The following ZDHHC9 variants were observed in gnomAD, a reference collection of about 807,000 sequenced individuals.
The protein encoded by ZDHHC9 is palmitoyltransferase ZDHHC9.
A neutral mutation model predicts 26.6 loss-of-function variants in ZDHHC9; 3 were observed. The observed-to-expected ratio is 0.11, with a 90% CI of 0.05 to 0.29. The LOEUF (loss-of-function observed/expected upper bound fraction) is 0.29. Among genes scored for constraint, ZDHHC9 ranks in the 10% least tolerant of loss-of-function variants. ZDHHC9 has a pLI of 1.00. For missense variants in ZDHHC9, 146 were observed against 296.4 expected (o/e 0.49, Z 3.73); for synonymous variants, 111 against 109.4 (o/e 1.01, Z -0.09).
At position 129,804,579 on chromosome X, in the gene ZDHHC9, G is replaced by C. The variant is rs994550450; in HGVS notation, c.*1791C>G. ...CACTGATCAAATATTTCCAAGGGGG[G>C]GCCCTGATGAGCCTGCGTTAATAAC... On this transcript the variant is annotated 3_prime_UTR_variant, in exon 11 of 11. Transcript: ENST00000357166. The C allele has an allele frequency of 2.2e-4, 24 of 110,687 alleles. No homozygotes were observed. Among genetic ancestry groups the C allele is most frequent in the African/African-American group, 7.2e-4 (22 of 30,375 alleles). The allele number at this position is 110,687 out of a possible 1,213,427, so 9.1% of individuals were successfully genotyped here.
chrX:129,827,292 G>A (rs934658408), intron 4 of ZDHHC9, among the ~76,000 whole-genome samples: 1 of 90,385 alleles, frequency 1.1e-5, no homozygotes. Flanking sequence ...GGGAGGGAAG[G>A]AGGGAGGGAG....
intron 3 of ZDHHC9, among the ~76,000 whole-genome samples, chrX:129,833,533 C>A (rs1928193742): frequency 8.9e-6 from 1 of 112,267 alleles, no homozygotes; most frequent in African/African-American, 3.2e-5. Context: ...GTGTTCTGTA[C>A]AATACACTGC....
chrX:129,839,894 T>A (rs1306963933), intron 3 of ZDHHC9, among the ~76,000 whole-genome samples: 1 of 111,606 alleles, frequency 9.0e-6, no homozygotes, highest in Non-Finnish European at 1.9e-5. Context: ...TCTTCAAAAA[T>A]ATTTAGTCTT....
In ZDHHC9 at chrX:129,806,074, A is replaced by C; in HGVS notation, c.*296T>G. On this transcript the variant is annotated 3_prime_UTR_variant, in exon 11 of 11. Coordinates refer to ENST00000357166, the MANE Select transcript of ZDHHC9 (RefSeq NM_016032.4). ...GCAGGAGGGCTGGGATCTGGAGGGA[A>C]GAGAGGGGGTCCAAGGGGACCCTGT... 2 of 317,725 alleles carry C rather than the reference A, an allele frequency of 6.3e-6. No homozygotes were observed. Among genetic ancestry groups the C allele is most frequent in the African/African-American group, 2.6e-5 (1 of 37,858 alleles). The allele number at this position is 317,725 out of a possible 1,213,427, so 26.2% of individuals were successfully genotyped here. A position where few individuals can be genotyped will look rare whatever the true frequency, so the allele number is the denominator to read the frequency against.
At chrX:129,817,550 G>T (rs924315312) in intron 5 of ZDHHC9, among the ~76,000 whole-genome samples, 2 of 111,258 alleles carry the variant, frequency 1.8e-5, no homozygotes, top group African/African-American at 3.3e-5. Context: ...CATTCATAAT[G>T]TGGAACCATC....
rs1262297272 is a variant in ZDHHC9 at position 129,803,815 on chromosome X, G to A, written c.*2555C>T. The A allele has an allele frequency of 8.9e-6, 1 of 111,766 alleles. No individual in the cohort carries two copies. Among genetic ancestry groups the A allele is most frequent in the Non-Finnish European group, 1.9e-5 (1 of 53,175 alleles). 9.2% of individuals were successfully genotyped at this position (111,766 alleles called of 1,213,427 possible). A position where few individuals can be genotyped will look rare whatever the true frequency, so the allele number is the denominator to read the frequency against. ...CATAGGAAGCTTGAGGAAGAAGGAG[G>A]AAGGGGAGAGTTGGAGACAGTGTCA... On this transcript the variant is annotated 3_prime_UTR_variant, in exon 11 of 11. Transcript: ENST00000357166.
chrX:129,830,464 A>G (rs1928116490), intron 3 of ZDHHC9, among the ~76,000 whole-genome samples: 1 of 112,378 alleles, frequency 8.9e-6, no homozygotes, highest in African/African-American at 3.2e-5. Context: ...TATCTCCCAG[A>G]GCTTTAATAC....
chrX:129,821,801 A>G (rs1461006637), intron 5 of ZDHHC9, among the ~76,000 whole-genome samples: 1 of 109,382 alleles, frequency 9.1e-6, no homozygotes, highest in African/African-American at 3.3e-5. Context: ...GTGCACCTGT[A>G]ATACCAGCTA....
chrX:129,822,153 CAT>C (rs747209230), intron 5 of ZDHHC9, among the ~76,000 whole-genome samples: 10 of 111,128 alleles, frequency 9.0e-5, no homozygotes, highest in African/African-American at 3.3e-4. Context: ...CACATGCACA[CAT>C]ATGTTTATTG....
At chrX:129,816,160 C>T (rs1272209702) in intron 5 of ZDHHC9, among the ~76,000 whole-genome samples, 1 of 112,101 alleles carries the variant, frequency 8.9e-6, no homozygotes, top group East Asian at 2.8e-4. Context: ...TCAATAAATA[C>T]AGTTGGCCCT....
At chrX:129,835,788 A>C (rs1251625310) in intron 3 of ZDHHC9, among the ~76,000 whole-genome samples, 1 of 111,021 alleles carries the variant, frequency 9.0e-6, no homozygotes, top group Non-Finnish European at 1.9e-5. Flanking sequence ...CGTCTCAAAG[A>C]AAAAAAAAGA....
intron 9 of ZDHHC9, 125 bp from the exon 10 acceptor site, chrX:129,811,126 G>T: frequency 1.8e-6 from 1 of 570,824 alleles, no homozygotes; most frequent in Non-Finnish European, 3.0e-6. Context: ...CCTGAACACA[G>T]CACATGCCTC....
At chrX:129,838,702 A>C (rs905685041) in intron 3 of ZDHHC9, among the ~76,000 whole-genome samples, 2 of 111,325 alleles carry the variant, frequency 1.8e-5, no homozygotes, top group African/African-American at 6.6e-5. Context: ...TAATTAAAAA[A>C]AAAAAGAAAC....
rs1265947699 is a variant in ZDHHC9, at chrX:129,814,679, T to C, written c.604A>G (p.Asn202Asp). The change falls in exon 6 of 11, where the codon AAC (asparagine) becomes GAC (aspartate). Residue 202 changes from asparagine to aspartate, a missense_variant. Asn to Asp is a conservative substitution (Grantham distance 23). Coordinates refer to ENST00000357166, the MANE Select transcript of ZDHHC9 (RefSeq NM_016032.4). Reference protein sequence around the residue: ...SLLTIYVFAFNIVYVALKSLK... With the variant: ...SLLTIYVFAFDIVYVALKSLK... ...TCACTGAGGGCCACATAGACGATGT[T>C]GAAGGCGAAGACATAGATTGTGAGG... 2 of 1,209,372 alleles carry C rather than the reference T, an allele frequency of 1.7e-6. No individual in the cohort carries two copies. Among genetic ancestry groups the C allele is most frequent in the African/African-American group, 3.5e-5 (2 of 57,016 alleles).
chrX:129,841,665 C>T, intron 3 of ZDHHC9, 114 bp downstream of exon 3: 1 of 948,091 alleles, frequency 1.1e-6, no homozygotes, highest in Non-Finnish European at 1.5e-6. Flanking sequence ...ACAGACATCG[C>T]TCAAGAGGAC....
At chrX:129,819,172 C>CAAAAAAAAAA (rs10555509) in intron 5 of ZDHHC9, among the ~76,000 whole-genome samples, 4 of 36,076 alleles carry the variant, frequency 1.1e-4, no homozygotes, top group African/African-American at 2.3e-4. Flanking sequence ...GCCTCCGTCT[C>CAAAAAAAAAA]AAAAAAAAAA....
rs1927482926 is a variant in ZDHHC9 at position 129,805,143 on chromosome X, C to T, written c.*1227G>A. 1 of 112,074 alleles carries T rather than the reference C, an allele frequency of 8.9e-6. No individual in the cohort carries two copies. Among genetic ancestry groups the T allele is most frequent in the Non-Finnish European group, 1.9e-5 (1 of 53,126 alleles). The allele number at this position is 112,074 out of a possible 1,213,427, so 9.2% of individuals were successfully genotyped here. On this transcript the variant is annotated 3_prime_UTR_variant, in exon 11 of 11. Transcript: ENST00000357166. Reference sequence around the variant, plus strand: ...GAGCTGACTGGGGGCCACAGCCCACCCCCAGGGTGAAGTGGCTCTGGGACT... The same window carrying T: ...GAGCTGACTGGGGGCCACAGCCCACTCCCAGGGTGAAGTGGCTCTGGGACT...
intron 8 of ZDHHC9, among the ~76,000 whole-genome samples, chrX:129,812,260 T>C (rs960377012): frequency 1.8e-5 from 2 of 111,916 alleles, no homozygotes; most frequent in African/African-American, 6.5e-5. Context: ...TATTTTTGTA[T>C]TTTTAGTAGA....
At chrX:129,812,860 G>GTCTCCTGATGTT in intron 7 of ZDHHC9, 40 bp from the exon 8 acceptor site, 2 of 983,996 alleles carry the variant, frequency 2.0e-6, no homozygotes, top group Non-Finnish European at 2.9e-6. Context: ...CTCAACATCA[G>GTCTCCTGATGTT]GAGACTTGAT....
Sources: allele counts gnomAD v4.1 joint callset (sites outside exome capture counted in the v4.1 genomes callset), GRCh38; gene constraint gnomAD v4.1.1; transcripts MANE v1.5; gene names NCBI Gene and HGNC (gene_info 2026-07-23, HGNC 2026-07-21).